Variants in C1orf52 observed in about 807,000 individuals in gnomAD.
The protein encoded by C1orf52 is chromosome 1 open reading frame 52, also known as UPF0690 protein C1orf52.
In C1orf52, 5 loss-of-function variants were observed where a neutral mutation model predicts 17.2. The ratio of observed to expected loss-of-function variants is 0.29; its 90% CI spans 0.15 to 0.61. C1orf52 has a LOEUF of 0.61. Ranked by LOEUF, C1orf52 falls within the 20% of genes least tolerant of loss-of-function variation. The pLI is 0.85. For missense variants in C1orf52, 245 were observed against 234.1 expected (o/e 1.05, Z -0.30); for synonymous variants, 110 against 88.0 (o/e 1.25, Z -1.40).
intron 2 of C1orf52, chr1:85,257,410 C>G: frequency 1.4e-6 from 1 of 713,170 alleles, no homozygotes; most frequent in Non-Finnish European, 2.6e-6. Context: ...GAATAAGGTG[C>G]AACGTATACT....
intron 2 of C1orf52, 90 bp downstream of exon 2, chr1:85,258,434 G>T: frequency 8.7e-7 from 1 of 1,153,682 alleles, no homozygotes; most frequent in Non-Finnish European, 1.2e-6. Flanking sequence ...CAATTCGCTA[G>T]ATTTAATTTT....
intron 2 of C1orf52, 127 bp from the exon 3 acceptor site, chr1:85,252,829 C>G: frequency 1.6e-6 from 1 of 640,098 alleles, no homozygotes; most frequent in East Asian, 2.9e-5. Flanking sequence ...TCAGAGTTTC[C>G]CAATAAAAAA....
In C1orf52 at chr1:85,255,347, C is replaced by T. The variant is rs190594007; in HGVS notation, c.476-2645G>A. ...CGGGCGGATCACGAGGTCAGGAGAT[C>T]GAGACCACCCTGGCCAACATGCTGA... On this transcript the variant is annotated intron_variant, in intron 2 of 2. Transcript: ENST00000471115. Among the ~76,000 whole-genome samples the T allele has an allele frequency of 2.2e-3, 328 of 152,098 alleles. 2 individuals are homozygous for T. Among genetic ancestry groups the T allele is most frequent in the African/African-American group, 7.6e-3 (317 of 41,482 alleles).
intron 1 of C1orf52, chr1:85,259,076 G>A: frequency 3.0e-6 from 4 of 1,345,478 alleles, no homozygotes; most frequent in Non-Finnish European, 3.8e-6. Context: ...AGCGGGGGGG[G>A]CGGGGGAGTC....
chr1:85,254,397 T>A (rs1659876093), intron 2 of C1orf52, among the ~76,000 whole-genome samples: 2 of 149,976 alleles, frequency 1.3e-5, no homozygotes. Context: ...ACGTTTTGCT[T>A]TTTTTTTTTT....
intron 2 of C1orf52, among the ~76,000 whole-genome samples, chr1:85,256,106 G>A (rs958146095): frequency 2.0e-5 from 3 of 152,082 alleles, no homozygotes; most frequent in African/African-American, 7.2e-5. Context: ...ACTGCCATTC[G>A]CCCTACAGAA....
chr1:85,251,677 TTATC>T lies in C1orf52; in HGVS notation c.*948_*951del, dbSNP rs1294719549. ...AATATTAAATATACTAAAACATTAT[TTATC>T]TGAAATTCAAATTTAACTGAATGTC... On this transcript the variant is annotated 3_prime_UTR_variant, in exon 3 of 3. Coordinates refer to ENST00000471115, the MANE Select transcript of C1orf52 (RefSeq NM_198077.4). 1 of 152,186 alleles carries T rather than the reference TTATC, an allele frequency of 6.6e-6. No individual in the cohort carries two copies. Among genetic ancestry groups the T allele is most frequent in the Non-Finnish European group, 1.5e-5 (1 of 68,038 alleles). The allele number at this position is 152,186 out of a possible 1,614,324, so 9.4% of individuals were successfully genotyped here. A position where few individuals can be genotyped will look rare whatever the true frequency, so the allele number is the denominator to read the frequency against.
At position 85,253,876 on chromosome 1, in the gene C1orf52, G is replaced by T. The variant is rs927769318; in HGVS notation, c.476-1174C>A. On this transcript the variant is annotated intron_variant, in intron 2 of 2. Transcript: ENST00000471115. ...ATAGACAGAGTAACATGGAAAAGATGTTATGATTTATAAAATACAAATTTA... is the reference window on the plus strand; with the variant it reads ...ATAGACAGAGTAACATGGAAAAGATTTTATGATTTATAAAATACAAATTTA... 4.6e-5 allele frequency among the ~76,000 whole-genome samples: 7 copies of T among 152,266 alleles called. No individual in the cohort carries two copies. The East Asian group carries it at 9.6e-4, about 21-fold the overall frequency.
At chr1:85,255,326 C>A (rs557647458) in intron 2 of C1orf52, among the ~76,000 whole-genome samples, 1 of 151,970 alleles carries the variant, frequency 6.6e-6, no homozygotes, top group South Asian at 2.1e-4. Context: ...CTGAAGCGGG[C>A]GGATCACGAG....
At chr1:85,255,437 C>T (rs916801171) in intron 2 of C1orf52, among the ~76,000 whole-genome samples, 1 of 151,928 alleles carries the variant, frequency 6.6e-6, no homozygotes, top group Non-Finnish European at 1.5e-5. Flanking sequence ...GTAGTCCCAG[C>T]TACTTGGCAG....
intron 2 of C1orf52, among the ~76,000 whole-genome samples, chr1:85,253,004 G>C (rs569424176): frequency 2.0e-5 from 3 of 152,186 alleles, no homozygotes; most frequent in South Asian, 4.1e-4. Context: ...TTTTGAAAAA[G>C]GCTCCCAAAT....
In C1orf52 at chr1:85,252,265, AAGTTCAC is replaced by A. The variant is rs1370671240; in HGVS notation, c.*357_*363del. The stretch of plus-strand genomic sequence containing the variant: ...CAAAGACTGTTGAAAAGCACCCTAC[AAGTTCAC>A]AGTACATTACAATATATTTACTTTA... On this transcript the variant is annotated 3_prime_UTR_variant, in exon 3 of 3. Transcript: ENST00000471115. 2 of 202,224 alleles carry A rather than the reference AAGTTCAC, an allele frequency of 9.9e-6. No individual in the cohort carries two copies. Among genetic ancestry groups the A allele is most frequent in the Non-Finnish European group, 2.0e-5 (2 of 100,184 alleles). The allele number at this position is 202,224 out of a possible 1,614,324, so 12.5% of individuals were successfully genotyped here.
In C1orf52 at chr1:85,258,571, G is replaced by C. The variant is rs1660003724; in HGVS notation, c.428C>G (p.Ala143Gly). ...EDNGDDAPQN[A>G]KKARLLPEGE... ...TTCTGGTAGAAGCCTAGCTTTCTTA[G>C]CATTCTGTGGAGCATCATCACCATT... The change falls in exon 2 of 3, where the codon GCT becomes GGT. Residue 143 changes from alanine to glycine, a missense_variant. Transcript: ENST00000471115. The C allele has an allele frequency of 2.5e-6, 4 of 1,613,986 alleles. No individual in the cohort carries two copies. Among genetic ancestry groups the C allele is most frequent in the Non-Finnish European group, 3.4e-6 (4 of 1,180,012 alleles).
intron 2 of C1orf52, among the ~76,000 whole-genome samples, chr1:85,255,997 T>C (rs142635948): frequency 6.6e-5 from 10 of 152,366 alleles, no homozygotes; most frequent in Admixed American, 5.2e-4. Flanking sequence ...TCTTGCTTGC[T>C]TGCCCTGGTG....
chr1:85,252,596 G>A lies in C1orf52; in HGVS notation c.*33C>T. 1 of 1,561,326 alleles carries A rather than the reference G, an allele frequency of 6.4e-7. No individual in the cohort carries two copies. Among genetic ancestry groups the A allele is most frequent in the Non-Finnish European group, 8.8e-7 (1 of 1,133,000 alleles). On this transcript the variant is annotated 3_prime_UTR_variant, in exon 3 of 3. Transcript: ENST00000471115. ...TCTGTCCAAAGAAACATTTCAACAA[G>A]TTTAGCAGTACAGAAATTCTGGTCA...
In C1orf52 at chr1:85,252,037, T is replaced by C. The variant is rs1659813282; in HGVS notation, c.*592A>G. The C allele has an allele frequency of 6.6e-6, 1 of 152,160 alleles. No individual in the cohort carries two copies. The highest frequency in any genetic ancestry group is 6.5e-5 in the Admixed American group (1 of 15,274). The allele number at this position is 152,160 out of a possible 1,614,324, so 9.4% of individuals were successfully genotyped here. A position where few individuals can be genotyped will look rare whatever the true frequency, so the allele number is the denominator to read the frequency against. ...AATACTAATAATACCTTGCGCTAGG[T>C]TGTTTAAGGATCAGAGAAAATATAT... On this transcript the variant is annotated 3_prime_UTR_variant, in exon 3 of 3. Coordinates refer to ENST00000471115, the MANE Select transcript of C1orf52 (RefSeq NM_198077.4).
At chr1:85,257,351 T>G (rs932899199) in intron 2 of C1orf52, 3 of 651,850 alleles carry the variant, frequency 4.6e-6, no homozygotes, top group Non-Finnish European at 8.4e-6. Flanking sequence ...TGATTTGGAT[T>G]TTGAAGGATG....
At chr1:85,257,978 G>A (rs756634319) in intron 2 of C1orf52, among the ~76,000 whole-genome samples, 2 of 151,952 alleles carry the variant, frequency 1.3e-5, no homozygotes, top group Non-Finnish European at 2.9e-5. Flanking sequence ...AAACTAGCCC[G>A]GCGTGGTGGC....
chr1:85,259,214 G>C, intron 1 of C1orf52, 144 bp downstream of exon 1: 1 of 1,209,986 alleles, frequency 8.3e-7, no homozygotes, highest in African/African-American at 1.5e-5. Flanking sequence ...AGGTTTCCCA[G>C]GGCTTGAGGT....
Sources: allele counts gnomAD v4.1 joint callset (sites outside exome capture counted in the v4.1 genomes callset), GRCh38; gene constraint gnomAD v4.1.1; transcripts MANE v1.5; gene names NCBI Gene and HGNC (gene_info 2026-07-23, HGNC 2026-07-21).